GRID2: variants seen among roughly 807,000 people sequenced by gnomAD.
GRID2 encodes the protein glutamate ionotropic receptor delta type subunit 2.
A neutral mutation model predicts 114.8 loss-of-function variants in GRID2; 33 were observed. That is an observed-to-expected ratio of 0.29 (90% confidence interval 0.22 to 0.38). The LOEUF (loss-of-function observed/expected upper bound fraction) is 0.38. Among genes scored for constraint, GRID2 ranks in the 10% least tolerant of loss-of-function variants. The pLI is 1.00. For synonymous variants in GRID2, 505 were observed against 449.9 expected, an observed-to-expected ratio of 1.12 and a Z score of -1.55; for missense variants, 1,184 against 1,257.7, an observed-to-expected ratio of 0.94 and a Z score of 0.89.
chr4:93,424,481 TTCA>T (rs1204241730), intron 10 of GRID2, among the ~76,000 whole-genome samples: 2 of 152,162 alleles, frequency 1.3e-5, no homozygotes, highest in African/African-American at 4.8e-5. Context: ...TTTTTTAATG[TTCA>T]TCATTTTAAA....
At chr4:93,229,659 C>A (rs878947205) in intron 7 of GRID2, among the ~76,000 whole-genome samples, 2 of 152,072 alleles carry the variant, frequency 1.3e-5, no homozygotes, top group African/African-American at 4.8e-5. Flanking sequence ...ATTAAAAATC[C>A]GTGTGCTGCT....
chr4:92,443,714 G>T (rs1011399242), intron 1 of GRID2, among the ~76,000 whole-genome samples: 3 of 152,054 alleles, frequency 2.0e-5, no homozygotes, highest in Non-Finnish European at 2.9e-5. Context: ...GACAAGGAGA[G>T]AAGGGGTTGG....
intron 2 of GRID2, among the ~76,000 whole-genome samples, chr4:92,813,969 A>G (rs1740768078): frequency 6.6e-6 from 1 of 152,050 alleles, no homozygotes; most frequent in South Asian, 2.1e-4. Context: ...ATTCCCTAAC[A>G]ATGTAAGCAG....
At chr4:92,377,933 A>G (rs1579264555) in intron 1 of GRID2, among the ~76,000 whole-genome samples, 1 of 152,174 alleles carries the variant, frequency 6.6e-6, no homozygotes. Context: ...GCCAAACTAT[A>G]TCACTACCCA....
At chr4:93,597,852 C>G (rs1324646216) in intron 13 of GRID2, among the ~76,000 whole-genome samples, 1 of 152,186 alleles carries the variant, frequency 6.6e-6, no homozygotes, top group Non-Finnish European at 1.5e-5. Context: ...GTTCTATTCC[C>G]AAGCTGTGTT....
intron 2 of GRID2, among the ~76,000 whole-genome samples, chr4:93,022,317 A>G (rs1433923659): frequency 4.6e-5 from 7 of 151,982 alleles, no homozygotes; most frequent in Non-Finnish European, 7.4e-5. Flanking sequence ...TAGGATACCA[A>G]AAATGCTATT....
intron 11 of GRID2, among the ~76,000 whole-genome samples, chr4:93,461,828 AC>A (rs1723772470): frequency 1.3e-5 from 2 of 152,148 alleles, no homozygotes; most frequent in Non-Finnish European, 2.9e-5. Flanking sequence ...ATGTCTACAT[AC>A]ATCTCCTTTC....
chr4:92,943,609 C>A (rs905848107), intron 2 of GRID2, among the ~76,000 whole-genome samples: 3 of 152,182 alleles, frequency 2.0e-5, no homozygotes, highest in Non-Finnish European at 4.4e-5. Flanking sequence ...CAGCTTTGTT[C>A]CATTGCTGGT....
intron 8 of GRID2, among the ~76,000 whole-genome samples, chr4:93,376,674 G>A (rs1203700455): frequency 2.0e-5 from 3 of 152,094 alleles, no homozygotes; most frequent in East Asian, 1.9e-4. Flanking sequence ...TTTCAGGGAC[G>A]TGGATGAAGC....
intron 1 of GRID2, among the ~76,000 whole-genome samples, chr4:92,542,729 G>T (rs1352435433): frequency 6.6e-6 from 1 of 151,532 alleles, no homozygotes; most frequent in Non-Finnish European, 1.5e-5. Flanking sequence ...CACCACTAAA[G>T]AACTTTTCCA....
chr4:92,599,841 A>G (rs1729119164), intron 2 of GRID2, among the ~76,000 whole-genome samples: 1 of 151,778 alleles, frequency 6.6e-6, no homozygotes, highest in South Asian at 2.1e-4. Flanking sequence ...TCTAGCCAAC[A>G]CGGTGAAACC....
At chr4:93,020,511 T>TAA (rs751058117) in intron 2 of GRID2, among the ~76,000 whole-genome samples, 1 of 152,080 alleles carries the variant, frequency 6.6e-6, no homozygotes, top group Non-Finnish European at 1.5e-5. Flanking sequence ...CAATAAATGG[T>TAA]AAAAAAACAT....
chr4:92,365,285 A>T (rs1201703963), intron 1 of GRID2, among the ~76,000 whole-genome samples: 2 of 152,088 alleles, frequency 1.3e-5, no homozygotes, highest in African/African-American at 4.8e-5. Flanking sequence ...TACATAGTGA[A>T]ATATCATGTA....
At chr4:93,441,281 A>T (rs1721597986) in intron 10 of GRID2, among the ~76,000 whole-genome samples, 2 of 152,162 alleles carry the variant, frequency 1.3e-5, no homozygotes, top group South Asian at 2.1e-4. Flanking sequence ...GACATTTCGG[A>T]TATGAAATTC....
chr4:92,376,268 C>T (rs1729352374), intron 1 of GRID2, among the ~76,000 whole-genome samples: 1 of 152,026 alleles, frequency 6.6e-6, no homozygotes, highest in Non-Finnish European at 1.5e-5. Context: ...CAAAATTGCA[C>T]CACTGCACTC....
Position 93,422,904 on chromosome 4 carries a change from A to G in GRID2, c.1481A>G (p.His494Arg), listed in dbSNP as rs148874255. The change falls in exon 10 of 16, where the codon CAC (histidine) becomes CGC (arginine). Residue 494 changes from histidine to arginine, a missense_variant. Physicochemically the swap from His to Arg is conservative, Grantham distance 29 (BLOSUM62 0). Around this residue, in one of 3 missense-constraint regions of GRID2, gnomAD observed 717 missense variants for 796.9 expected, o/e 0.90. Transcript: ENST00000282020. ...FNYEIYVAPDHKYGSPQEDGT... is the reference protein window; with the variant it reads ...FNYEIYVAPDRKYGSPQEDGT... ...TACGAAATTTACGTAGCACCGGATCACAAATACGGAAGCCCACAAGAAGAT... is the reference window on the plus strand; with the variant it reads ...TACGAAATTTACGTAGCACCGGATCGCAAATACGGAAGCCCACAAGAAGAT... The G allele has an allele frequency of 6.2e-7, 1 of 1,613,760 alleles. No individual in the cohort carries two copies. Among genetic ancestry groups the G allele is most frequent in the Non-Finnish European group, 8.5e-7 (1 of 1,179,788 alleles).
intron 1 of GRID2, among the ~76,000 whole-genome samples, chr4:92,534,235 A>C (rs1040044542): frequency 1.3e-5 from 2 of 152,136 alleles, no homozygotes; most frequent in Non-Finnish European, 2.9e-5. Context: ...ATTTCAAAGA[A>C]AGTCTATCCT....
chr4:92,464,053 T>C (rs1370539909), intron 1 of GRID2, among the ~76,000 whole-genome samples: 1 of 151,998 alleles, frequency 6.6e-6, no homozygotes, highest in Non-Finnish European at 1.5e-5. Context: ...TACCCTATTC[T>C]TCTCAAACAT....
intron 1 of GRID2, among the ~76,000 whole-genome samples, chr4:92,539,784 A>G (rs1188524357): frequency 2.0e-5 from 3 of 152,144 alleles, no homozygotes; most frequent in Admixed American, 6.6e-5. Context: ...TTACGTAAAA[A>G]GTGAAAAAAT....
Sources: allele counts gnomAD v4.1 joint callset (sites outside exome capture counted in the v4.1 genomes callset), GRCh38; gene constraint gnomAD v4.1.1; regional missense constraint gnomAD v4.1.1; transcripts MANE v1.5; gene names NCBI Gene and HGNC (gene_info 2026-07-23, HGNC 2026-07-21).